Variants in TSPAN1 observed in about 807,000 individuals in gnomAD.
TSPAN1 encodes tetraspanin 1.
A neutral mutation model predicts 26.9 loss-of-function variants in TSPAN1; 23 were observed. That is an observed-to-expected ratio of 0.85 (90% confidence interval 0.62 to 1.21). The LOEUF is 1.21. TSPAN1 is among the 50% of genes most tolerant of loss of function. The pLI is 0.00. For synonymous variants in TSPAN1, 115 were observed against 114.8 expected (o/e 1.00, Z -0.01); for missense variants, 283 against 298.4 (o/e 0.95, Z 0.38).
the TSPAN1 span, chr1:46,195,078 T>G: frequency 5.7e-6 from 5 of 871,128 alleles, no homozygotes; most frequent in Non-Finnish European, 9.8e-6. Flanking sequence ...ATTATTGCAA[T>G]AACCCTCTAT....
downstream of TSPAN1, chr1:46,189,685 T>C (rs17102064): frequency 6.5e-6 from 10 of 1,545,506 alleles, no homozygotes; most frequent in Non-Finnish European, 7.9e-6. Context: ...TTGTAAGAGA[T>C]AGCATCTTTT....
downstream of TSPAN1, among the ~76,000 whole-genome samples, chr1:46,187,592 CA>C (rs1657462485): frequency 6.6e-6 from 1 of 152,164 alleles, no homozygotes; most frequent in African/African-American, 2.4e-5. Context: ...GGGTGCGGGA[CA>C]GGGGGAGGAG....
the TSPAN1 span, chr1:46,192,257 G>A: frequency 6.2e-7 from 1 of 1,614,166 alleles, no homozygotes; most frequent in Non-Finnish European, 8.5e-7. Context: ...AGGTTAAGAT[G>A]TTTCGAGTTG....
chr1:46,189,597 T>C (rs775447267), downstream of TSPAN1: 1 of 1,594,290 alleles, frequency 6.3e-7, no homozygotes, highest in South Asian at 1.1e-5. Context: ...GACAGAGACA[T>C]GGGTCAGAGA....
chr1:46,181,012 G>A, intron 2 of TSPAN1, 88 bp from the exon 3 acceptor site: 1 of 1,122,070 alleles, frequency 8.9e-7, no homozygotes, highest in Non-Finnish European at 1.3e-6. Flanking sequence ...CTGGGGTCTG[G>A]CATATCTGGC....
At chr1:46,192,358 T>G in the TSPAN1 span, 2 of 1,614,034 alleles carry the variant, frequency 1.2e-6, no homozygotes, top group Admixed American at 1.7e-5. Flanking sequence ...TACAAGGACC[T>G]CCTGAGCACC....
At chr1:46,185,443 C>G in intron 8 of TSPAN1, 43 bp from the exon 9 acceptor site, 1 of 1,612,888 alleles carries the variant, frequency 6.2e-7, no homozygotes, top group South Asian at 1.1e-5. Context: ...GCTTCAGGAT[C>G]CCTATCATGT....
chr1:46,180,000 TGTGA>T (rs930017083), intron 1 of TSPAN1, among the ~76,000 whole-genome samples: 4 of 152,100 alleles, frequency 2.6e-5, no homozygotes, highest in East Asian at 1.9e-4. Context: ...TGTGTGTGTG[TGTGA>T]GTGAAAGAGA....
At chr1:46,195,945 G>A in the TSPAN1 span, 15 of 1,614,108 alleles carry the variant, frequency 9.3e-6, no homozygotes, top group South Asian at 2.2e-5. Flanking sequence ...ATATACTTCT[G>A]GTGAGTTGGT....
the TSPAN1 span, chr1:46,194,679 G>A: frequency 2.5e-6 from 4 of 1,614,152 alleles, no homozygotes; most frequent in Admixed American, 5.0e-5. Flanking sequence ...TGAGGGCCAT[G>A]GGGGCCCAGA....
the TSPAN1 span, chr1:46,191,135 C>T: frequency 3.1e-5 from 11 of 350,986 alleles, no homozygotes; most frequent in Middle Eastern, 1.0e-3. Flanking sequence ...GGCAAAGGGA[C>T]GGGCTGGGCT....
chr1:46,189,545 TC>T, downstream of TSPAN1: 2 of 1,612,552 alleles, frequency 1.2e-6, no homozygotes, highest in Non-Finnish European at 1.7e-6. Context: ...GCCACGCACA[TC>T]CAGGTCCCAG....
At chr1:46,194,995 G>A in the TSPAN1 span, 5 of 1,603,916 alleles carry the variant, frequency 3.1e-6, no homozygotes, top group South Asian at 4.4e-5. Flanking sequence ...AGCCTGACTG[G>A]CATGGTTCCA....
Position 46,185,559 on chromosome 1 carries a change from G to C in TSPAN1, c.*26G>C. On this transcript the variant is annotated 3_prime_UTR_variant, in exon 9 of 9. Transcript: ENST00000372003. ...GTCCACTTCTGCCTCTGCCACTACT[G>C]CTGCCACATGGGAACTGTGAAGAGG... The C allele has an allele frequency of 6.2e-7, 1 of 1,613,492 alleles. No individual in the cohort carries two copies. Among genetic ancestry groups the C allele is most frequent in the South Asian group, 1.1e-5 (1 of 91,056 alleles).
At chr1:46,189,697 G>A (rs1657598681), downstream of TSPAN1, 1 of 1,541,982 alleles carries the variant, frequency 6.5e-7, no homozygotes, top group Non-Finnish European at 8.8e-7. Context: ...GCATCTTTTA[G>A]AATATGAATT....
downstream of TSPAN1, chr1:46,189,471 C>A: frequency 1.9e-6 from 3 of 1,613,596 alleles, no homozygotes; most frequent in Non-Finnish European, 2.5e-6. Context: ...TAGGGGGAAG[C>A]CGGGACCCCC....
chr1:46,178,089 G>A lies in TSPAN1; in HGVS notation c.-141-2437G>A, dbSNP rs186224337. On this transcript the variant is annotated intron_variant, in intron 1 of 8. Transcript: ENST00000372003. ...AAACAGAAAGGTTCCAGGTGCGGTG[G>A]CTCACGCCTGTAATCCCAGCACTTT... 3.9e-5 allele frequency among the ~76,000 whole-genome samples: 6 copies of A among 152,286 alleles called. No homozygotes were observed. In the East Asian group the frequency reaches 1.2e-3, roughly 29 times the overall value.
chr1:46,193,958 A>T, the TSPAN1 span: 7 of 1,612,446 alleles, frequency 4.3e-6, no homozygotes, highest in Non-Finnish European at 5.9e-6. Flanking sequence ...CTCTTGCCTT[A>T]TTCCCCCTTC....
chr1:46,196,084 A>G, the TSPAN1 span: 1 of 1,613,930 alleles, frequency 6.2e-7, no homozygotes, highest in Non-Finnish European at 8.5e-7. The surrounding 1 kb of genome is among the most constrained non-coding windows in gnomAD (Gnocchi z 4.4). Flanking sequence ...GCACCTACAC[A>G]GTGGCAGAGA....
Sources: gnomAD v4.1 joint callset for allele counts (sites outside exome capture counted in the v4.1 genomes callset) on GRCh38, gnomAD v4.1.1 for gene constraint, Gnocchi (gnomAD v3.1) non-coding constraint, MANE v1.5 for transcripts, NCBI Gene and HGNC (gene_info 2026-07-23, HGNC 2026-07-21) for gene names.